The following SPEM3 variants were observed in gnomAD, a reference collection of about 807,000 sequenced individuals.
SPEM3 encodes the protein uncharacterized protein SPEM3.
chr17:7,429,656 C>T lies in SPEM3; in HGVS notation c.485C>T (p.Ala162Val). ...GEAPQVTASK[A>V]QASLLSRPET... ...GCCCCTCAGGTCACAGCCTCAAAGGCTCAAGCCTCCTTGCTCTCCAGGCCA... is the reference window on the plus strand; with the variant it reads ...GCCCCTCAGGTCACAGCCTCAAAGGTTCAAGCCTCCTTGCTCTCCAGGCCA... Residue 162 changes from alanine to valine, a missense_variant, in exon 3 of 3, where the codon GCT becomes GTT. Transcript: ENST00000636696. This position sits in a 1 kb window ranked among gnomAD's most constrained non-coding sequence, Gnocchi z 4.9. The T allele has an allele frequency of 5.0e-6, 2 of 399,024 alleles. No individual in the cohort carries two copies. Among genetic ancestry groups the T allele is most frequent in the East Asian group, 3.6e-5 (1 of 28,086 alleles). 24.7% of individuals were successfully genotyped at this position (399,024 alleles called of 1,614,324 possible).
rs1034212334 is a variant in SPEM3, at chr17:7,430,490, T to C, written c.1319T>C (p.Phe440Ser). ...CCTATACCCTCTACCCCACCTGCCT[T>C]CAGCCATGACCTCTCCACTGGCCAT... ...ITPIPSTPPA[F>S]SHDLSTGHVV... The change falls in exon 3 of 3, where the codon TTC (phenylalanine) becomes TCC (serine). Residue 440 changes from phenylalanine (F) to serine (S), a missense_variant. Physicochemically the swap from Phe to Ser is radical, Grantham distance 155 (BLOSUM62 -2). Coordinates refer to ENST00000636696, the MANE Select transcript of SPEM3 (RefSeq NM_001364708.1). 5.0e-6 allele frequency: 2 copies of C among 399,354 alleles called. No individual in the cohort carries two copies. The highest frequency in any genetic ancestry group is 4.4e-6 in the Non-Finnish European group (1 of 226,598). 24.7% of individuals were successfully genotyped at this position (399,354 alleles called of 1,614,324 possible).
rs1907859061 is a variant in SPEM3, at chr17:7,432,374, G to T, written c.3203G>T (p.Trp1068Leu). ...QKEDAQRHVLWARVQLNENSC... is the reference protein window; with the variant it reads ...QKEDAQRHVLLARVQLNENSC... ...GAGGACGCACAGCGGCACGTCCTCTGGGCTCGTGTCCAACTCAATGAGAAC... is the reference window on the plus strand; with the variant it reads ...GAGGACGCACAGCGGCACGTCCTCTTGGCTCGTGTCCAACTCAATGAGAAC... Residue 1068 changes from tryptophan (W) to leucine (L), a missense_variant, in exon 3 of 3, where the codon TGG becomes TTG. Coordinates refer to ENST00000636696, the MANE Select transcript of SPEM3 (RefSeq NM_001364708.1). The surrounding 1 kb of genome is among the most constrained non-coding windows in gnomAD (Gnocchi z 4.1). 2.5e-6 allele frequency: 1 copy of T among 398,562 alleles called. No individual in the cohort carries two copies. The highest frequency in any genetic ancestry group is 4.4e-5 in the Admixed American group (1 of 22,722). 24.7% of individuals were successfully genotyped at this position (398,562 alleles called of 1,614,324 possible). A position where few individuals can be genotyped will look rare whatever the true frequency, so the allele number is the denominator to read the frequency against.
Position 7,432,602 on chromosome 17 carries a change from C to T in SPEM3, c.3431C>T (p.Pro1144Leu). The T allele has an allele frequency of 2.5e-6, 1 of 398,722 alleles. No homozygotes were observed. The highest frequency in any genetic ancestry group is 4.4e-6 in the Non-Finnish European group (1 of 226,108). The allele number at this position is 398,722 out of a possible 1,614,324, so 24.7% of individuals were successfully genotyped here. A position where few individuals can be genotyped will look rare whatever the true frequency, so the allele number is the denominator to read the frequency against. The change falls in exon 3 of 3, where the codon CCT becomes CTT. Residue 1144 changes from proline to leucine, a missense_variant. Transcript: ENST00000636696. The surrounding 1 kb of genome is among the most constrained non-coding windows in gnomAD (Gnocchi z 4.1). Reference sequence around the variant, plus strand: ...CATATCAACTGGAAGTCCCACTGCCCTGGACCAGGCACCCAGGCAGGGCAT... The same window carrying T: ...CATATCAACTGGAAGTCCCACTGCCTTGGACCAGGCACCCAGGCAGGGCAT... Reference protein sequence around the residue: ...PTHINWKSHCPGPGTQAGHVV... With the variant: ...PTHINWKSHCLGPGTQAGHVV...
Position 7,431,465 on chromosome 17 carries a change from C to T in SPEM3, c.2294C>T (p.Thr765Ile), listed in dbSNP as rs1219510971. ...CACCCCCAAAAGAACACAGGTCTGA[C>T]TCAAGAAGCTGGTATCCTTAGGAGC... is the stretch of plus-strand genomic sequence containing the variant. The part of the protein sequence containing the change: ...DSHPQKNTGL[T>I]QEAGILRSPC... Residue 765 changes from threonine (T) to isoleucine (I), a missense_variant, in exon 3 of 3, where the codon ACT becomes ATT. Coordinates refer to ENST00000636696, the MANE Select transcript of SPEM3 (RefSeq NM_001364708.1). 7.5e-6 allele frequency: 3 copies of T among 398,636 alleles called. No individual in the cohort carries two copies. The highest frequency in any genetic ancestry group is 1.3e-5 in the Non-Finnish European group (3 of 226,070). 24.7% of individuals were successfully genotyped at this position (398,636 alleles called of 1,614,324 possible).
In SPEM3 at chr17:7,428,872, G is replaced by A. The variant is rs952230694; in HGVS notation, c.-31G>A. On this transcript the variant is annotated 5_prime_UTR_variant, in exon 1 of 3. Transcript: ENST00000636696. ...TGCTCCTAGTGACTGTGTGAGGGCC[G>A]GGGGCCTAGGCAGTCCTGGGACCCC... 1.3e-5 allele frequency: 5 copies of A among 398,532 alleles called. No homozygotes were observed. Among genetic ancestry groups the A allele is most frequent in the African/African-American group, 8.2e-5 (4 of 48,728 alleles). The allele number at this position is 398,532 out of a possible 1,614,324, so 24.7% of individuals were successfully genotyped here. A position where few individuals can be genotyped will look rare whatever the true frequency, so the allele number is the denominator to read the frequency against.
rs1907866418 is a variant in SPEM3, at chr17:7,432,605, G to A, written c.3434G>A (p.Gly1145Glu). 2 of 398,656 alleles carry A rather than the reference G, an allele frequency of 5.0e-6. No individual in the cohort carries two copies. Among genetic ancestry groups the A allele is most frequent in the Non-Finnish European group, 8.8e-6 (2 of 226,100 alleles). The allele number at this position is 398,656 out of a possible 1,614,324, so 24.7% of individuals were successfully genotyped here. A position where few individuals can be genotyped will look rare whatever the true frequency, so the allele number is the denominator to read the frequency against. The change falls in exon 3 of 3, where the codon GGA (glycine) becomes GAA (glutamate). Residue 1145 changes from glycine (G) to glutamate (E), a missense_variant. By Grantham distance (98) the Gly-to-Glu change is moderately conservative (BLOSUM62 -2). Transcript: ENST00000636696. This position sits in a 1 kb window ranked among gnomAD's most constrained non-coding sequence, Gnocchi z 4.1. ...THINWKSHCP[G>E]PGTQAGHVVF... ...ATCAACTGGAAGTCCCACTGCCCTGGACCAGGCACCCAGGCAGGGCATGTG... is the reference window on the plus strand; with the variant it reads ...ATCAACTGGAAGTCCCACTGCCCTGAACCAGGCACCCAGGCAGGGCATGTG...
rs1363360244 is a variant in SPEM3, at chr17:7,431,659, CA to C, written c.2489del (p.His830ProfsTer5). On this transcript the variant is annotated frameshift_variant, in exon 3 of 3. Coordinates refer to ENST00000636696, the MANE Select transcript of SPEM3 (RefSeq NM_001364708.1). LOFTEE classifies it low-confidence loss of function (END_TRUNC). ...KNQDLSQATD[H>X]QKNLGSSKDS... ...TCAAGATCTCTCCCAAGCAACTGACCACCAAAAGAACCTAGGCTCTTCTAAA... is the reference window on the plus strand; with the variant it reads ...TCAAGATCTCTCCCAAGCAACTGACCCCAAAAGAACCTAGGCTCTTCTAAA... 1 of 398,446 alleles carries C rather than the reference CA, an allele frequency of 2.5e-6. No individual in the cohort carries two copies. Among genetic ancestry groups the C allele is most frequent in the Non-Finnish European group, 4.4e-6 (1 of 226,068 alleles). 24.7% of individuals were successfully genotyped at this position (398,446 alleles called of 1,614,324 possible).
rs1449289392 is a variant in SPEM3 at position 7,429,077 on chromosome 17, C to A, written c.138+37C>A. The A allele has an allele frequency of 5.0e-6, 2 of 398,828 alleles. No homozygotes were observed. The highest frequency in any genetic ancestry group is 8.8e-6 in the Non-Finnish European group (2 of 226,222). The allele number at this position is 398,828 out of a possible 1,614,324, so 24.7% of individuals were successfully genotyped here. On this transcript the variant is annotated intron_variant, in intron 1 of 2. Coordinates refer to ENST00000636696, the MANE Select transcript of SPEM3 (RefSeq NM_001364708.1). The surrounding 1 kb of genome is among the most constrained non-coding windows in gnomAD (Gnocchi z 4.9). ...ATCTGGGTAGCAGGGTTGGGGGAGC[C>A]CTGGGGTCTTGAAGGGGCTGAGGTG...
chr17:7,432,422 T>C lies in SPEM3; in HGVS notation c.3251T>C (p.Val1084Ala), dbSNP rs1907860260. The C allele has an allele frequency of 2.5e-6, 1 of 398,592 alleles. No individual in the cohort carries two copies. The highest frequency in any genetic ancestry group is 2.1e-5 in the African/African-American group (1 of 48,652). The allele number at this position is 398,592 out of a possible 1,614,324, so 24.7% of individuals were successfully genotyped here. The stretch of plus-strand genomic sequence containing the variant: ...AACTCCTGCCCTTCCAAGGCCCAAG[T>C]GGTCTCCAATGACCTGCAGACCTTC... Reference protein sequence around the residue: ...NENSCPSKAQVVSNDLQTFSE... With the variant: ...NENSCPSKAQAVSNDLQTFSE... The change falls in exon 3 of 3, where the codon GTG becomes GCG. Residue 1084 changes from valine (V) to alanine (A), a missense_variant. By Grantham distance (64) the Val-to-Ala change is moderately conservative. Coordinates refer to ENST00000636696, the MANE Select transcript of SPEM3 (RefSeq NM_001364708.1). The surrounding 1 kb of genome is among the most constrained non-coding windows in gnomAD (Gnocchi z 4.1).
At position 7,431,765 on chromosome 17, in the gene SPEM3, G is replaced by T. The variant is rs1050809723; in HGVS notation, c.2594G>T (p.Gly865Val). ...CSTAGLTEDS[G>V]SQKGPYVPQD... ...ACCGCAGGCCTTACTGAAGATTCTG[G>T]ATCACAGAAGGGTCCGTATGTTCCC... The change falls in exon 3 of 3, where the codon GGA (glycine) becomes GTA (valine). Residue 865 changes from glycine to valine, a missense_variant. By Grantham distance (109) the Gly-to-Val change is moderately radical (BLOSUM62 -3). Transcript: ENST00000636696. 2.5e-6 allele frequency: 1 copy of T among 398,480 alleles called. No individual in the cohort carries two copies. The highest frequency in any genetic ancestry group is 2.1e-5 in the African/African-American group (1 of 48,612). The allele number at this position is 398,480 out of a possible 1,614,324, so 24.7% of individuals were successfully genotyped here.
rs1597735811 is a variant in SPEM3 at position 7,431,621 on chromosome 17, T to C, written c.2450T>C (p.Val817Ala). The C allele has an allele frequency of 1.0e-5, 4 of 398,574 alleles. No individual in the cohort carries two copies. The highest frequency in any genetic ancestry group is 6.2e-5 in the African/African-American group (3 of 48,724). 24.7% of individuals were successfully genotyped at this position (398,574 alleles called of 1,614,324 possible). ...AATCTTGAACCAAACCAAGAGACTG[T>C]GATCTACAAAAATCAAGATCTCTCC... ...YRNLEPNQET[V>A]IYKNQDLSQA... Residue 817 changes from valine to alanine, a missense_variant, in exon 3 of 3, where the codon GTG becomes GCG. Coordinates refer to ENST00000636696, the MANE Select transcript of SPEM3 (RefSeq NM_001364708.1).
At position 7,431,357 on chromosome 17, in the gene SPEM3, C is replaced by T. The variant is rs566687665; in HGVS notation, c.2186C>T (p.Pro729Leu). ...NQGLHEFPGL[P>L]QDSYLCQNPS... ...GGCCTACATGAGTTCCCAGGCCTTC[C>T]CCAAGATTCTTATCTCTGCCAGAAT... Residue 729 changes from proline (P) to leucine (L), a missense_variant, in exon 3 of 3, where the codon CCC becomes CTC. By Grantham distance (98) the Pro-to-Leu change is moderately conservative (BLOSUM62 -3). Coordinates refer to ENST00000636696, the MANE Select transcript of SPEM3 (RefSeq NM_001364708.1). The T allele has an allele frequency of 2.5e-6, 1 of 398,502 alleles. No individual in the cohort carries two copies. Among genetic ancestry groups the T allele is most frequent in the African/African-American group, 2.1e-5 (1 of 48,684 alleles). 24.7% of individuals were successfully genotyped at this position (398,502 alleles called of 1,614,324 possible).
chr17:7,431,945 G>A lies in SPEM3; in HGVS notation c.2774G>A (p.Gly925Asp). Residue 925 changes from glycine to aspartate, a missense_variant, in exon 3 of 3, where the codon GGT becomes GAT. Transcript: ENST00000636696. ...AATCCAGGACTTATCCAAGATTGTG[G>A]TGGCCACAAAGTTAAAGGCCTTACT... The part of the protein sequence containing the change: ...YKNPGLIQDC[G>D]GHKVKGLTQD... The A allele has an allele frequency of 2.5e-6, 1 of 398,506 alleles. No homozygotes were observed. The allele number at this position is 398,506 out of a possible 1,614,324, so 24.7% of individuals were successfully genotyped here.
At position 7,429,722 on chromosome 17, in the gene SPEM3, C is replaced by G; in HGVS notation, c.551C>G (p.Thr184Arg). 1 of 399,130 alleles carries G rather than the reference C, an allele frequency of 2.5e-6. No homozygotes were observed. Among genetic ancestry groups the G allele is most frequent in the Non-Finnish European group, 4.4e-6 (1 of 226,502 alleles). The allele number at this position is 399,130 out of a possible 1,614,324, so 24.7% of individuals were successfully genotyped here. Residue 184 changes from threonine to arginine, a missense_variant, in exon 3 of 3, where the codon ACG becomes AGG. Transcript: ENST00000636696. The surrounding 1 kb of genome is among the most constrained non-coding windows in gnomAD (Gnocchi z 4.9). ...SQFPKMSKLDTGPCHLPQESK... is the reference protein window; with the variant it reads ...SQFPKMSKLDRGPCHLPQESK... ...TTCCCAAAGATGAGCAAGTTGGACA[C>G]GGGTCCATGCCACCTGCCCCAAGAG...
chr17:7,432,812 CGAGA>C lies in SPEM3; in HGVS notation c.*53_*56del. On this transcript the variant is annotated 3_prime_UTR_variant, in exon 3 of 3. Transcript: ENST00000636696. The surrounding 1 kb of genome is among the most constrained non-coding windows in gnomAD (Gnocchi z 4.1). ...CAAAAGTGCATCAGGAATAAAGAGG[CGAGA>C]GAAATGTTCTGTGTTTGTTTGAGGA... is the stretch of plus-strand genomic sequence containing the variant. 2.5e-6 allele frequency: 1 copy of C among 398,130 alleles called. No homozygotes were observed. The highest frequency in any genetic ancestry group is 4.4e-6 in the Non-Finnish European group (1 of 226,044). 24.7% of individuals were successfully genotyped at this position (398,130 alleles called of 1,614,324 possible).
Position 7,430,024 on chromosome 17 carries a change from C to A in SPEM3, c.853C>A (p.Pro285Thr), listed in dbSNP as rs1267347952. 9 of 422,944 alleles carry A rather than the reference C, an allele frequency of 2.1e-5. No homozygotes were observed. The Admixed American group carries it at 3.5e-4, about 16-fold the overall frequency. The allele number at this position is 422,944 out of a possible 1,614,324, so 26.2% of individuals were successfully genotyped here. ...QTPAHIQAHT[P>T]APTPAKASAH... ...GCCAGCCCACATCCAAGCTCACACC[C>A]CAGCCCCTACACCGGCCAAGGCCTC... Residue 285 changes from proline (P) to threonine (T), a missense_variant, in exon 3 of 3, where the codon CCA (proline) becomes ACA (threonine). Physicochemically the swap from Pro to Thr is conservative, Grantham distance 38 (BLOSUM62 -1). Coordinates refer to ENST00000636696, the MANE Select transcript of SPEM3 (RefSeq NM_001364708.1).
Position 7,431,743 on chromosome 17 carries a change from G to A in SPEM3, c.2572G>A (p.Ala858Thr), listed in dbSNP as rs115827232. ...NVQDPGVCST[A>T]GLTEDSGSQK... ...CCAAGATCCAGGAGTCTGTAGTACC[G>A]CAGGCCTTACTGAAGATTCTGGATC... Residue 858 changes from alanine (A) to threonine (T), a missense_variant, in exon 3 of 3, where the codon GCA becomes ACA. Physicochemically the swap from Ala to Thr is moderately conservative, Grantham distance 58. Transcript: ENST00000636696. The A allele has an allele frequency of 1.6e-3, 656 of 398,562 alleles. 1 individual carries two copies. The highest frequency in any genetic ancestry group is 0.012 in the African/African-American group (598 of 48,716). The allele number at this position is 398,562 out of a possible 1,614,324, so 24.7% of individuals were successfully genotyped here.
rs1046347080 is a variant in SPEM3 at position 7,432,725 on chromosome 17, C to T, written c.3554C>T (p.Ser1185Leu). 18 of 398,488 alleles carry T rather than the reference C, an allele frequency of 4.5e-5. No homozygotes were observed. The highest frequency in any genetic ancestry group is 1.1e-4 in the East Asian group (3 of 28,090). The allele number at this position is 398,488 out of a possible 1,614,324, so 24.7% of individuals were successfully genotyped here. The change falls in exon 3 of 3, where the codon TCG (serine) becomes TTG (leucine). Residue 1185 changes from serine to leucine, a missense_variant. Coordinates refer to ENST00000636696, the MANE Select transcript of SPEM3 (RefSeq NM_001364708.1). The surrounding 1 kb of genome is among the most constrained non-coding windows in gnomAD (Gnocchi z 4.1). Reference sequence around the variant, plus strand: ...CTTCATCAAGAGGCACCCAGCAACTCGGGGAAACCATCAAGGAGTGGGGAT... The same window carrying T: ...CTTCATCAAGAGGCACCCAGCAACTTGGGGAAACCATCAAGGAGTGGGGAT... ...RRLHQEAPSN[S>L]GKPSRSGDIR...
chr17:7,431,789 C>T lies in SPEM3; in HGVS notation c.2618C>T (p.Pro873Leu). ...DSGSQKGPYV[P>L]QDSEVNKSSG... is the part of the protein sequence containing the mutation. ...GGATCACAGAAGGGTCCGTATGTTC[C>T]CCAAGACTCTGAAGTCAATAAGAGC... Residue 873 changes from proline to leucine, a missense_variant, in exon 3 of 3, where the codon CCC becomes CTC. By Grantham distance (98) the Pro-to-Leu change is moderately conservative. Transcript: ENST00000636696. The T allele has an allele frequency of 2.5e-6, 1 of 398,592 alleles. No individual in the cohort carries two copies. The allele number at this position is 398,592 out of a possible 1,614,324, so 24.7% of individuals were successfully genotyped here.
Sources: allele counts gnomAD v4.1 joint callset, GRCh38; gene constraint gnomAD v4.1.1; non-coding constraint Gnocchi (gnomAD v3.1); transcripts MANE v1.5; gene names NCBI Gene and HGNC (gene_info 2026-07-23, HGNC 2026-07-21).